The following GGT1 variants were observed in gnomAD, a reference collection of about 807,000 sequenced individuals.
GGT1 encodes the protein gamma-glutamyltransferase 1.
GGT1 carries 21 observed loss-of-function variants against 56.0 expected under a neutral mutation model. The observed-to-expected ratio is 0.38, with a 90% CI of 0.27 to 0.54. The LOEUF (loss-of-function observed/expected upper bound fraction) is 0.54, where lower values mean the gene tolerates loss of function less well. GGT1 is among the 20% of genes least tolerant of loss of function. The pLI is 0.82. For synonymous variants in GGT1, 238 were observed against 342.6 expected, an observed-to-expected ratio of 0.69 and a Z score of 3.37; for missense variants, 466 against 787.0, an observed-to-expected ratio of 0.59 and a Z score of 4.88.
At chr22:24,613,831 CT>C (rs1448684858) in intron 5 of GGT1, among the ~76,000 whole-genome samples, 3 of 151,992 alleles carry the variant, frequency 2.0e-5, no homozygotes, top group African/African-American at 7.3e-5. Flanking sequence ...GATAGGATTG[CT>C]TTAGACCATG....
intron 1 of GGT1, among the ~76,000 whole-genome samples, chr22:24,596,701 C>T (rs2045696940): frequency 6.9e-6 from 1 of 145,940 alleles, no homozygotes; most frequent in African/African-American, 2.6e-5. Context: ...AAATTGAGGC[C>T]ATCCTGTCCA....
chr22:24,628,701 T>C lies in GGT1; in HGVS notation c.1572T>C (p.Thr524=), dbSNP rs1287217109. The change falls in exon 16 of 16, where the codon ACT becomes ACC. Residue 524 remains threonine (T), a synonymous_variant. Coordinates refer to ENST00000400382, the MANE Select transcript of GGT1 (RefSeq NM_001288833.2). The surrounding 1 kb of genome is among the most constrained non-coding windows in gnomAD (Gnocchi z 5.7). ...TCTCCTCCCACCCCCAGGCAGTGAC[T>C]GCAGCCCTGGAGACCCGGCACCATC... ...TVERNIDQAV[T]AALETRHHHT... is the part of the protein sequence containing the mutation. 2 of 1,610,560 alleles carry C rather than the reference T, an allele frequency of 1.2e-6. No homozygotes were observed. The highest frequency in any genetic ancestry group is 1.7e-6 in the Non-Finnish European group (2 of 1,179,666).
At chr22:24,616,791 G>T (rs8139070) in intron 7 of GGT1, among the ~76,000 whole-genome samples, 58,221 of 151,472 alleles carry the variant, frequency 0.38, 11,621 homozygotes, top group Middle Eastern at 0.53. Flanking sequence ...GTGATCCCCC[G>T]GCCTCGGCCT....
the GGT1 span, chr22:24,585,870 C>A: frequency 6.4e-7 from 1 of 1,559,122 alleles, no homozygotes. Flanking sequence ...TAGCAATGAG[C>A]CAGGTGGGTG....
intron 5 of GGT1, among the ~76,000 whole-genome samples, chr22:24,613,971 G>C (rs2046879934): frequency 6.6e-6 from 1 of 151,982 alleles, no homozygotes; most frequent in Non-Finnish European, 1.5e-5. Context: ...GATTGCTTGA[G>C]CCCAGGAGGT....
chr22:24,599,589 T>G (rs2045749807), upstream of GGT1, among the ~76,000 whole-genome samples: 1 of 150,120 alleles, frequency 6.7e-6, no homozygotes, highest in African/African-American at 2.5e-5. Flanking sequence ...TGGTAGTGGG[T>G]TATAGAGGTG....
chr22:24,597,369 A>C (rs1311009162), intron 1 of GGT1, among the ~76,000 whole-genome samples: 1 of 152,170 alleles, frequency 6.6e-6, no homozygotes, highest in Non-Finnish European at 1.5e-5. Context: ...TGTGAGGAAA[A>C]ACCAACTCAA....
chr22:24,612,939 C>T (rs970581389), intron 5 of GGT1, among the ~76,000 whole-genome samples: 20 of 152,200 alleles, frequency 1.3e-4, no homozygotes, highest in Non-Finnish European at 2.6e-4. Flanking sequence ...GATCTTCCCG[C>T]CTCAGCTTCC....
At chr22:24,586,417 GGA>G in the GGT1 span, 1 of 1,604,662 alleles carries the variant, frequency 6.2e-7, no homozygotes, top group Non-Finnish European at 8.5e-7. Flanking sequence ...TGAGGCTATG[GGA>G]GAGTGGCAGG....
At chr22:24,607,774 C>CCT (rs1411291959) in intron 1 of GGT1, 180 bp from the exon 2 acceptor site, 5 of 338,382 alleles carry the variant, frequency 1.5e-5, no homozygotes, top group African/African-American at 6.6e-5. Flanking sequence ...TCCTTCCCTG[C>CCT]CTCTGCTCCT....
upstream of GGT1, chr22:24,592,578 C>A (rs952378003): frequency 4.2e-6 from 2 of 474,436 alleles, no homozygotes; most frequent in Non-Finnish European, 7.7e-6. Flanking sequence ...CACACAACCC[C>A]TCTCAAACCC....
chr22:24,588,627 T>A, the GGT1 span: 1 of 1,082,342 alleles, frequency 9.2e-7, no homozygotes, highest in Non-Finnish European at 1.2e-6. Flanking sequence ...GGCCAGCGTC[T>A]CGGGCTATCA....
intron 1 of GGT1, among the ~76,000 whole-genome samples, chr22:24,595,445 A>G (rs2045676188): frequency 6.6e-6 from 1 of 152,198 alleles, no homozygotes; most frequent in South Asian, 2.1e-4. Context: ...GGTTACCCTG[A>G]GCAGCAGAGC....
intron 5 of GGT1, among the ~76,000 whole-genome samples, chr22:24,611,575 T>TA (rs2046687175): frequency 6.6e-6 from 1 of 151,802 alleles, no homozygotes; most frequent in South Asian, 2.1e-4. Flanking sequence ...TCTATCTATC[T>TA]ATCTATCTAT....
intron 1 of GGT1, among the ~76,000 whole-genome samples, chr22:24,607,058 A>G (rs1185729223): frequency 6.6e-6 from 1 of 152,098 alleles, no homozygotes; most frequent in Non-Finnish European, 1.5e-5. Flanking sequence ...AGAAACATGC[A>G]GTAACTTGGG....
At chr22:24,611,539 CTATCATCTATCT>C (rs199505744) in intron 5 of GGT1, among the ~76,000 whole-genome samples, 12,073 of 128,202 alleles carry the variant, frequency 0.094, 510 homozygotes, top group African/African-American at 0.12. Context: ...ATCTATCTAT[CTATCATCTATCT>C]ATCTATCTAT....
the GGT1 span, among the ~76,000 whole-genome samples, chr22:24,584,664 C>A: frequency 6.6e-6 from 1 of 152,082 alleles, no homozygotes; most frequent in African/African-American, 2.4e-5. Context: ...ACCCCTGCCT[C>A]CTCCTTAGCC....
At position 24,620,960 on chromosome 22, in the gene GGT1, T is replaced by C. The variant is rs886634118; in HGVS notation, c.623T>C (p.Leu208Pro). The change falls in exon 9 of 16, where the codon CTG (leucine) becomes CCG (proline). Residue 208 changes from leucine to proline, a missense_variant. Leu to Pro is a moderately conservative substitution (Grantham distance 98, BLOSUM62 -3). This residue lies in a region of GGT1 where 456 missense variants were observed against 716.7 expected (regional missense o/e 0.64). Transcript: ENST00000400382. The surrounding 1 kb of genome is among the most constrained non-coding windows in gnomAD (Gnocchi z 5.6). The stretch of plus-strand genomic sequence containing the variant: ...AAGGTGCTTCGGGAGGGGGAGAGAC[T>C]GACCCTGCCGCAGCTGGCTGACACC... ...DRKVLREGER[L>P]TLPQLADTYE... 1 of 1,611,958 alleles carries C rather than the reference T, an allele frequency of 6.2e-7. No individual in the cohort carries two copies. Among genetic ancestry groups the C allele is most frequent in the Non-Finnish European group, 8.5e-7 (1 of 1,179,832 alleles).
At chr22:24,611,998 G>C (rs1013247850) in intron 5 of GGT1, among the ~76,000 whole-genome samples, 6 of 152,058 alleles carry the variant, frequency 3.9e-5, no homozygotes, top group Non-Finnish European at 7.4e-5. Flanking sequence ...GTAGAGACAG[G>C]GTTTTGCTAT....
Sources: gnomAD v4.1 joint callset for allele counts (sites outside exome capture counted in the v4.1 genomes callset) on GRCh38, gnomAD v4.1.1 for gene constraint, gnomAD v4.1.1 regional missense constraint, Gnocchi (gnomAD v3.1) non-coding constraint, MANE v1.5 for transcripts, NCBI Gene and HGNC (gene_info 2026-07-23, HGNC 2026-07-21) for gene names.